The following DLGAP2 variants were observed in gnomAD, a reference collection of about 807,000 sequenced individuals.
DLGAP2 encodes DLG associated protein 2, also known as disks large-associated protein 2.
DLGAP2 carries 26 observed loss-of-function variants against 100.3 expected under a neutral mutation model. That is an observed-to-expected ratio of 0.26 (90% CI 0.19 to 0.36). DLGAP2 has a LOEUF of 0.36. DLGAP2 is among the 10% of genes least tolerant of loss of function. The pLI, the probability that DLGAP2 is intolerant of heterozygous loss-of-function variation, is 1.00. For synonymous variants in DLGAP2, 886 were observed against 630.1 expected (o/e 1.41, Z -6.08); for missense variants, 1,858 against 1,453.2 (o/e 1.28, Z -4.53).
intron 1 of DLGAP2, among the ~76,000 whole-genome samples, chr8:784,719 A>C (rs1274967089): frequency 6.6e-6 from 1 of 152,220 alleles, no homozygotes; most frequent in Non-Finnish European, 1.5e-5. Flanking sequence ...GTGTTCCTAA[A>C]TCCGGGAAAG....
In DLGAP2 at chr8:1,205,888, C is replaced by T. The variant is rs184462646; in HGVS notation, c.74-52963C>T. Among the ~76,000 whole-genome samples the T allele has an allele frequency of 3.3e-5, 5 of 152,228 alleles. No individual in the cohort carries two copies. The East Asian group carries it at 9.7e-4, about 29-fold the overall frequency. On this transcript the variant is annotated intron_variant, in intron 2 of 14. Transcript: ENST00000637795. Reference sequence around the variant, plus strand: ...TAAAGGGCAGCCAAGTGCAGTGGCACCTGTCTGTGATCGCAGCTACCTGGG... The same window carrying T: ...TAAAGGGCAGCCAAGTGCAGTGGCATCTGTCTGTGATCGCAGCTACCTGGG...
At chr8:889,661 TG>T (rs1247289320) in intron 1 of DLGAP2, among the ~76,000 whole-genome samples, 3 of 152,204 alleles carry the variant, frequency 2.0e-5, no homozygotes. Flanking sequence ...GAGCGCAGCC[TG>T]GAGCTATAGA....
At chr8:1,362,862 G>A (rs946238038) in intron 3 of DLGAP2, among the ~76,000 whole-genome samples, 9 of 152,218 alleles carry the variant, frequency 5.9e-5, no homozygotes, top group Admixed American at 2.0e-4. Flanking sequence ...TTCAAAGTCA[G>A]TGGCTAGTTT....
intron 2 of DLGAP2, among the ~76,000 whole-genome samples, chr8:1,191,378 G>T (rs371349064): frequency 1.3e-5 from 2 of 152,094 alleles, no homozygotes; most frequent in East Asian, 3.9e-4. Context: ...CACCGTGTTA[G>T]CCAGGATGGT....
chr8:1,238,150 T>C lies in DLGAP2; in HGVS notation c.74-20701T>C, dbSNP rs577915918. The stretch of plus-strand genomic sequence containing the variant: ...ACACGGTGCTGTGTCTAGTTCTCTC[T>C]CACACATAGCGTCATGTCTAGTTCT... On this transcript the variant is annotated intron_variant, in intron 2 of 14. Transcript: ENST00000637795. 7.8e-3 allele frequency among the ~76,000 whole-genome samples: 207 copies of C among 26,546 alleles called. 77 individuals carry two copies. Among genetic ancestry groups the C allele is most frequent in the African/African-American group, 0.04 (167 of 4,194 alleles). 17.4% of individuals were successfully genotyped at this position (26,546 alleles called of 152,430 possible).
intron 3 of DLGAP2, among the ~76,000 whole-genome samples, chr8:1,348,303 C>T (rs1161072713): frequency 4.0e-5 from 6 of 150,588 alleles, no homozygotes; most frequent in Admixed American, 2.6e-4. Flanking sequence ...CATAGAGCTG[C>T]ATTGCACTCA....
chr8:860,522 C>T (rs1358440447), intron 1 of DLGAP2, among the ~76,000 whole-genome samples: 9 of 152,318 alleles, frequency 5.9e-5, no homozygotes, highest in Non-Finnish European at 1.2e-4. Flanking sequence ...GAAGGGTGGA[C>T]GCCTCCCGGC....
intron 2 of DLGAP2, among the ~76,000 whole-genome samples, chr8:1,049,279 A>T (rs1161530248): frequency 1.3e-5 from 2 of 152,154 alleles, no homozygotes; most frequent in Non-Finnish European, 2.9e-5. Flanking sequence ...GGCGAGTTTT[A>T]TGCAAATATC....
intron 6 of DLGAP2, among the ~76,000 whole-genome samples, chr8:1,610,821 G>C (rs200906105): frequency 0.6 from 86,395 of 144,162 alleles, 26,453 homozygotes; most frequent in Middle Eastern, 0.7. Context: ...CACATACACT[G>C]TCCCAAGACT....
intron 2 of DLGAP2, among the ~76,000 whole-genome samples, chr8:1,201,031 AGAGGT>A (rs1001165081): frequency 1.2e-4 from 19 of 152,200 alleles, no homozygotes; most frequent in Non-Finnish European, 2.2e-4. Flanking sequence ...ACCCACACCT[AGAGGT>A]GAGTGTGGCG....
chr8:901,026 C>T (rs747305096), intron 1 of DLGAP2, among the ~76,000 whole-genome samples: 1 of 152,296 alleles, frequency 6.6e-6, no homozygotes, highest in South Asian at 2.1e-4. Context: ...TGTAGTGGCT[C>T]ATGCCTGAAA....
At chr8:1,000,635 G>A (rs937884139) in intron 2 of DLGAP2, among the ~76,000 whole-genome samples, 3 of 152,214 alleles carry the variant, frequency 2.0e-5, no homozygotes, top group Non-Finnish European at 2.9e-5. Context: ...TAATTGCTCT[G>A]TTATTACTTT....
Position 895,589 on chromosome 8 carries a change from C to T in DLGAP2, c.19-12323C>T, listed in dbSNP as rs144585167. ...TGCATGGGGCCTTCAGGCCCTTTAA[C>T]GATGAAATGTTTGGGGCCATTGCAG... is the stretch of plus-strand genomic sequence containing the variant. On this transcript the variant is annotated intron_variant, in intron 1 of 14. Transcript: ENST00000637795. Among the ~76,000 whole-genome samples, 334 of 152,270 alleles carry T rather than the reference C, an allele frequency of 2.2e-3. 1 individual carries two copies. The highest frequency in any genetic ancestry group is 7.3e-3 in the African/African-American group (304 of 41,530).
chr8:1,597,983 C>A (rs775691249), intron 6 of DLGAP2, among the ~76,000 whole-genome samples: 9 of 152,180 alleles, frequency 5.9e-5, no homozygotes, highest in Non-Finnish European at 1.2e-4. Flanking sequence ...TTTGCCCATT[C>A]AGTATGATAT....
chr8:836,871 T>C (rs907741042), intron 1 of DLGAP2, among the ~76,000 whole-genome samples: 3 of 152,222 alleles, frequency 2.0e-5, no homozygotes, highest in Admixed American at 2.0e-4. Flanking sequence ...TCCTTTCATG[T>C]TTTGCTTCCG....
chr8:800,644 ATGTG>A (rs1796129121), intron 1 of DLGAP2, among the ~76,000 whole-genome samples: 1 of 151,750 alleles, frequency 6.6e-6, no homozygotes, highest in Non-Finnish European at 1.5e-5. Context: ...GTGCATGTCT[ATGTG>A]TGCACATGCG....
chr8:1,206,059 C>T (rs1797983127), intron 2 of DLGAP2, among the ~76,000 whole-genome samples: 1 of 152,132 alleles, frequency 6.6e-6, no homozygotes, highest in Non-Finnish European at 1.5e-5. Context: ...GGAGCCATCT[C>T]AGTCGGGATA....
chr8:1,485,381 G>A (rs558305254), intron 3 of DLGAP2, among the ~76,000 whole-genome samples: 18 of 152,198 alleles, frequency 1.2e-4, no homozygotes, highest in Non-Finnish European at 1.9e-4. Flanking sequence ...TTTTAAGAGC[G>A]TTCATGCAGA....
chr8:1,083,239 A>G (rs1803868533), intron 2 of DLGAP2, among the ~76,000 whole-genome samples: 1 of 152,226 alleles, frequency 6.6e-6, no homozygotes, highest in Non-Finnish European at 1.5e-5. Context: ...CTCTCCAGCA[A>G]GGGCAGGGCA....
Sources: allele counts gnomAD v4.1 joint callset (sites outside exome capture counted in the v4.1 genomes callset), GRCh38; gene constraint gnomAD v4.1.1; transcripts MANE v1.5; gene names NCBI Gene and HGNC (gene_info 2026-07-23, HGNC 2026-07-21).